The following FTO variants were observed in gnomAD, a reference collection of about 807,000 sequenced individuals.
FTO encodes the protein alpha-ketoglutarate-dependent dioxygenase FTO.
Under a neutral mutation model 63.9 loss-of-function variants are expected in FTO, and 47 were observed. That is an observed-to-expected ratio of 0.74 (90% confidence interval 0.58 to 0.94). FTO has a LOEUF of 0.94. Among genes scored for constraint, FTO ranks in the 40% least tolerant of loss-of-function variants. The pLI, the probability that FTO is intolerant of heterozygous loss-of-function variation, is 0.00. For synonymous variants in FTO, 207 were observed against 224.4 expected (o/e 0.92, Z 0.69); for missense variants, 562 against 618.1 (o/e 0.91, Z 0.96).
At chr16:53,943,570 G>A (rs2143414651) in intron 8 of FTO, among the ~76,000 whole-genome samples, 1 of 152,318 alleles carries the variant, frequency 6.6e-6, no homozygotes, top group African/African-American at 2.4e-5. Context: ...ACTGATGACA[G>A]TTCTTTCATG....
intron 7 of FTO, among the ~76,000 whole-genome samples, chr16:53,925,094 A>G (rs1599006467): frequency 6.7e-6 from 1 of 148,462 alleles, no homozygotes. Context: ...AAGGAAGGAG[A>G]GAAAAAAAGT....
chr16:53,791,839 C>T (rs1283583539), intron 1 of FTO, among the ~76,000 whole-genome samples: 1 of 151,976 alleles, frequency 6.6e-6, no homozygotes, highest in African/African-American at 2.4e-5. Flanking sequence ...TTTGGGAGGC[C>T]GAGGCGGGCG....
At chr16:53,835,305 C>T (rs962081336) in intron 3 of FTO, among the ~76,000 whole-genome samples, 4 of 152,144 alleles carry the variant, frequency 2.6e-5, no homozygotes, top group Admixed American at 1.3e-4. Context: ...TTTGTGAACT[C>T]CTCACGTTCC....
At chr16:53,923,753 A>T (rs936067206) in intron 7 of FTO, among the ~76,000 whole-genome samples, 1 of 151,740 alleles carries the variant, frequency 6.6e-6, no homozygotes, top group Non-Finnish European at 1.5e-5. Context: ...AGCGTTGCCA[A>T]CTGGAGCTCT....
At chr16:53,940,560 A>G (rs1419487634) in intron 8 of FTO, among the ~76,000 whole-genome samples, 1 of 152,226 alleles carries the variant, frequency 6.6e-6, no homozygotes, top group African/African-American at 2.4e-5. Flanking sequence ...CTGGATAGGA[A>G]TGTAGCCTGA....
chr16:53,941,762 G>A (rs1286161999), intron 8 of FTO, among the ~76,000 whole-genome samples: 4 of 152,190 alleles, frequency 2.6e-5, no homozygotes, highest in African/African-American at 7.2e-5. Flanking sequence ...GTAGGGGGAA[G>A]CACTTGAGCC....
At chr16:54,080,121 T>C (rs2086105288) in intron 8 of FTO, among the ~76,000 whole-genome samples, 1 of 152,068 alleles carries the variant, frequency 6.6e-6, no homozygotes, top group Non-Finnish European at 1.5e-5. Context: ...GCATGGTGGC[T>C]CACGTCTGTA....
intron 8 of FTO, among the ~76,000 whole-genome samples, chr16:53,997,507 T>A (rs1172163480): frequency 8.0e-6 from 1 of 125,030 alleles, no homozygotes; most frequent in Admixed American, 1.1e-4. Flanking sequence ...AAATAATGGC[T>A]AAGTCAAATC....
intron 1 of FTO, among the ~76,000 whole-genome samples, chr16:53,779,933 A>T (rs1343973910): frequency 6.6e-6 from 1 of 152,198 alleles, no homozygotes; most frequent in African/African-American, 2.4e-5. Context: ...CCAAGCCACC[A>T]TCATTTCTTG....
Position 54,121,561 on chromosome 16 carries a change from G to C in FTO, c.*9646G>C, listed in dbSNP as rs1432961366. The C allele has an allele frequency of 1.3e-5, 2 of 152,266 alleles. No individual in the cohort carries two copies. The highest frequency in any genetic ancestry group is 2.4e-5 in the African/African-American group (1 of 41,472). 9.4% of individuals were successfully genotyped at this position (152,266 alleles called of 1,614,324 possible). ...AGATGTCTTGTCTCAACAGACGGCA[G>C]ATTCGCAGGGAAGCAGGCCGAGCCT... On this transcript the variant is annotated 3_prime_UTR_variant, in exon 9 of 9. Coordinates refer to ENST00000471389, the MANE Select transcript of FTO (RefSeq NM_001080432.3).
intron 1 of FTO, chr16:53,711,327 T>G (rs957769760): frequency 2.0e-5 from 8 of 398,004 alleles, no homozygotes; most frequent in African/African-American, 1.6e-4. Context: ...GAGAATATAG[T>G]CACTCAAACC....
chr16:54,069,048 A>G (rs2085798319), intron 8 of FTO, among the ~76,000 whole-genome samples: 1 of 152,186 alleles, frequency 6.6e-6, no homozygotes, highest in African/African-American at 2.4e-5. Flanking sequence ...TTTTTTGATC[A>G]TGATTATTTT....
chr16:53,739,192 C>G (rs5013514), intron 1 of FTO, among the ~76,000 whole-genome samples: 25,050 of 141,000 alleles, frequency 0.18, 2,628 homozygotes, highest in African/African-American at 0.31. Flanking sequence ...GAAAAATATT[C>G]TTACTATTAC....
At chr16:54,077,299 A>G (rs1480970351) in intron 8 of FTO, among the ~76,000 whole-genome samples, 1 of 152,186 alleles carries the variant, frequency 6.6e-6, no homozygotes, top group East Asian at 1.9e-4. Flanking sequence ...AATGGACATC[A>G]CAGATGCCAA....
intron 8 of FTO, among the ~76,000 whole-genome samples, chr16:54,083,187 G>A (rs2086186777): frequency 6.6e-6 from 1 of 152,110 alleles, no homozygotes; most frequent in African/African-American, 2.4e-5. Context: ...AAGAATTTGA[G>A]ATCAAATTTA....
At chr16:54,045,128 T>G (rs2085150797) in intron 8 of FTO, among the ~76,000 whole-genome samples, 1 of 38,422 alleles carries the variant, frequency 2.6e-5, no homozygotes, top group Non-Finnish European at 3.7e-5. Context: ...CTGAAGGAAA[T>G]AGAGACACAA....
At chr16:53,712,378 G>A (rs760255357) in intron 1 of FTO, among the ~76,000 whole-genome samples, 8 of 152,004 alleles carry the variant, frequency 5.3e-5, no homozygotes, top group Non-Finnish European at 8.8e-5. Context: ...CCTTCTTCCC[G>A]AAATCCATTA....
chr16:54,005,681 C>A (rs1364973561), intron 8 of FTO, among the ~76,000 whole-genome samples: 2 of 152,136 alleles, frequency 1.3e-5, no homozygotes, highest in Non-Finnish European at 2.9e-5. Flanking sequence ...ATTTATCAAA[C>A]AACTACTATA....
chr16:54,018,642 A>G (rs1485590231), intron 8 of FTO, among the ~76,000 whole-genome samples: 1 of 152,100 alleles, frequency 6.6e-6, no homozygotes, highest in Non-Finnish European at 1.5e-5. Flanking sequence ...TAGTCTCGTG[A>G]TAGTGAGTAA....
Sources: allele counts gnomAD v4.1 joint callset (sites outside exome capture counted in the v4.1 genomes callset), GRCh38; gene constraint gnomAD v4.1.1; transcripts MANE v1.5; gene names NCBI Gene and HGNC (gene_info 2026-07-23, HGNC 2026-07-21).